CARM1: variants seen among roughly 807,000 people sequenced by gnomAD.
CARM1 encodes coactivator associated arginine methyltransferase 1.
In CARM1, 14 loss-of-function variants were observed where a neutral mutation model predicts 72.7. The ratio of observed to expected loss-of-function variants is 0.19; its 90% CI spans 0.13 to 0.30. CARM1 has a LOEUF of 0.30. Among genes scored for constraint, CARM1 ranks in the 10% least tolerant of loss-of-function variants. The pLI is 1.00. For missense variants in CARM1, 432 were observed against 833.7 expected, an observed-to-expected ratio of 0.52 and a Z score of 5.93; for synonymous variants, 333 against 345.5, an observed-to-expected ratio of 0.96 and a Z score of 0.40.
chr19:10,903,595 C>T (rs1222045111), intron 1 of CARM1, among the ~76,000 whole-genome samples: 1 of 149,902 alleles, frequency 6.7e-6, no homozygotes, highest in Non-Finnish European at 1.5e-5. Context: ...GATCTCACGT[C>T]TGTTGCCTAG....
At chr19:10,921,167 C>A (rs978218504) in intron 14 of CARM1, 40 bp downstream of exon 14, 4 of 1,579,808 alleles carry the variant, frequency 2.5e-6, no homozygotes, top group Non-Finnish European at 3.5e-6. Flanking sequence ...GGGAGCCATG[C>A]CCAGGACTGC....
intron 1 of CARM1, among the ~76,000 whole-genome samples, chr19:10,872,860 C>T (rs1470559908): frequency 3.3e-5 from 5 of 151,982 alleles, no homozygotes; most frequent in East Asian, 1.9e-4. Flanking sequence ...GCACTGATGC[C>T]CTGGGGAACC....
intron 1 of CARM1, among the ~76,000 whole-genome samples, 177 bp from the exon 2 acceptor site, chr19:10,904,774 C>G (rs1210801945): frequency 6.6e-6 from 1 of 152,242 alleles, no homozygotes; most frequent in African/African-American, 2.4e-5. Flanking sequence ...GCTCCCTTGT[C>G]TTCCATGTGG....
intron 1 of CARM1, among the ~76,000 whole-genome samples, chr19:10,875,823 A>G (rs116097985): frequency 0.026 from 3,913 of 149,772 alleles, 156 homozygotes; most frequent in African/African-American, 0.09. Flanking sequence ...CAAAGACCCT[A>G]TTTCCTAATA....
intron 1 of CARM1, among the ~76,000 whole-genome samples, chr19:10,887,598 AT>A (rs952781213): frequency 2.5e-4 from 38 of 151,176 alleles, no homozygotes; most frequent in African/African-American, 8.0e-4. Context: ...CTTATTCTTT[AT>A]TTTTTTTTAA....
chr19:10,883,292 G>A (rs895615069), intron 1 of CARM1, among the ~76,000 whole-genome samples: 1 of 152,156 alleles, frequency 6.6e-6, no homozygotes, highest in African/African-American at 2.4e-5. Flanking sequence ...AGTTGTCCAG[G>A]TGTGGGGGTA....
chr19:10,903,581 A>G (rs74180168), intron 1 of CARM1, among the ~76,000 whole-genome samples: 3 of 148,716 alleles, frequency 2.0e-5, no homozygotes, highest in Non-Finnish European at 4.5e-5. Flanking sequence ...TTTTTTTTTA[A>G]TAGGATCTCA....
At chr19:10,902,608 CT>C (rs35583098) in intron 1 of CARM1, among the ~76,000 whole-genome samples, 36,670 of 136,294 alleles carry the variant, frequency 0.27, 4,581 homozygotes, top group East Asian at 0.52. Flanking sequence ...TGTGCCCAGA[CT>C]TTTTTTTTTT....
At position 10,916,925 on chromosome 19, in the gene CARM1, GCATGTAGA is replaced by G. The variant is rs1184429932; in HGVS notation, c.1020+151_1020+158del. The G allele has an allele frequency of 4.9e-6, 3 of 608,482 alleles. No individual in the cohort carries two copies. Among genetic ancestry groups the G allele is most frequent in the Non-Finnish European group, 8.8e-6 (3 of 340,092 alleles). The allele number at this position is 608,482 out of a possible 1,614,324, so 37.7% of individuals were successfully genotyped here. On this transcript the variant is annotated intron_variant, in intron 8 of 15. Transcript: ENST00000327064. This position sits in a 1 kb window ranked among gnomAD's most constrained non-coding sequence, Gnocchi z 4.4. Reference sequence around the variant, plus strand: ...AGAGATTTGGGCCAAAAGTGTCAATGCATGTAGACACTTAGCACACAGCACACATGCAA... The same window carrying G: ...AGAGATTTGGGCCAAAAGTGTCAATGCACTTAGCACACAGCACACATGCAA...
At position 10,921,448 on chromosome 19, in the gene CARM1, C is replaced by T. The variant is rs200134589; in HGVS notation, c.1684+5C>T. 433 of 1,600,078 alleles carry T rather than the reference C, an allele frequency of 2.7e-4. 2 individuals are homozygous for T. Among genetic ancestry groups the T allele is most frequent in the Admixed American group, 1.6e-3 (89 of 56,738 alleles). ...TGAGCACGGGGATTGTCCAAGGTAA[C>T]GAGGGTGGCGGGGGCAGGGCCCGTG... is the stretch of plus-strand genomic sequence containing the variant. On this transcript the variant is annotated splice_donor_5th_base_variant and intron_variant, in intron 15 of 15. Transcript: ENST00000327064.
At chr19:10,911,395 C>T (rs557856366) in intron 4 of CARM1, among the ~76,000 whole-genome samples, 1 of 152,266 alleles carries the variant, frequency 6.6e-6, no homozygotes, top group Middle Eastern at 3.4e-3. Context: ...GCAGGGCCAT[C>T]CCGAGCCTCC....
At chr19:10,872,019 C>T in intron 1 of CARM1, 97 bp downstream of exon 1, 2 of 1,025,630 alleles carry the variant, frequency 2.0e-6, no homozygotes, top group Non-Finnish European at 2.4e-6. Context: ...GCGCGGGGGC[C>T]TGGCGTGGGG....
At chr19:10,917,394 G>A (rs1021743543) in intron 8 of CARM1, among the ~76,000 whole-genome samples, 4 of 151,884 alleles carry the variant, frequency 2.6e-5, no homozygotes, top group South Asian at 2.1e-4. Flanking sequence ...GGAGAATGGC[G>A]TGAACCCGGG....
At chr19:10,899,083 G>T (rs2074045214) in intron 1 of CARM1, among the ~76,000 whole-genome samples, 2 of 118,742 alleles carry the variant, frequency 1.7e-5, no homozygotes, top group African/African-American at 6.6e-5. Context: ...GGTGTCTTCT[G>T]TGTGCCAGGG....
At chr19:10,905,141 G>A (rs561436878) in intron 2 of CARM1, 65 bp downstream of exon 2, 7 of 1,581,024 alleles carry the variant, frequency 4.4e-6, no homozygotes, top group East Asian at 2.3e-5. Flanking sequence ...GGTGGGCAGG[G>A]GCGTAGAGCC....
chr19:10,890,246 TTTTTTTG>T (rs1302838425), intron 1 of CARM1, among the ~76,000 whole-genome samples: 2 of 148,982 alleles, frequency 1.3e-5, no homozygotes, highest in African/African-American at 4.9e-5. Context: ...AATTAGGTGG[TTTTTTTG>T]TTTTTTGTTT....
At chr19:10,908,405 T>C (rs2074120843) in intron 3 of CARM1, 1 of 439,168 alleles carries the variant, frequency 2.3e-6, no homozygotes, top group African/African-American at 2.0e-5. Context: ...GCCACAGGCG[T>C]TGTGAATAAC....
chr19:10,895,187 C>G (rs531535822), intron 1 of CARM1, among the ~76,000 whole-genome samples: 2 of 152,322 alleles, frequency 1.3e-5, no homozygotes, highest in South Asian at 4.1e-4. Flanking sequence ...TCACTGCAAC[C>G]TCCGCCTCCC....
At chr19:10,902,996 T>C (rs1032153645) in intron 1 of CARM1, among the ~76,000 whole-genome samples, 1 of 152,190 alleles carries the variant, frequency 6.6e-6, no homozygotes, top group Admixed American at 6.5e-5. Flanking sequence ...TTTTAGCTCT[T>C]ATATTTAGGT....
Sources: gnomAD v4.1 joint callset for allele counts (sites outside exome capture counted in the v4.1 genomes callset) on GRCh38, gnomAD v4.1.1 for gene constraint, Gnocchi (gnomAD v3.1) non-coding constraint, MANE v1.5 for transcripts, NCBI Gene and HGNC (gene_info 2026-07-23, HGNC 2026-07-21) for gene names.